The following CEACAM20 variants were observed in gnomAD, a reference collection of about 807,000 sequenced individuals.
CEACAM20 encodes the protein CEA cell adhesion molecule 20, also known as cell adhesion molecule CEACAM20.
CEACAM20 carries 50 observed loss-of-function variants against 61.2 expected under a neutral mutation model. The ratio of observed to expected loss-of-function variants is 0.82; its 90% CI spans 0.65 to 1.03. The LOEUF (loss-of-function observed/expected upper bound fraction) is 1.03. CEACAM20 is among the 50% of genes least tolerant of loss of function. The probability of loss-of-function intolerance (pLI) is 0.00; values close to 1 mark genes in which losing one functional copy is unlikely to be tolerated. For missense variants in CEACAM20, 683 were observed against 736.4 expected, an observed-to-expected ratio of 0.93 and a Z score of 0.84; for synonymous variants, 282 against 287.7, an observed-to-expected ratio of 0.98 and a Z score of 0.20.
At chr19:44,528,942 TTC>T (rs371387867) in intron 1 of CEACAM20, among the ~76,000 whole-genome samples, 4 of 146,022 alleles carry the variant, frequency 2.7e-5, no homozygotes, top group African/African-American at 7.6e-5. Flanking sequence ...ATTTCTGTAT[TTC>T]TCTCTTTCTT....
rs765004258 is a variant in CEACAM20, at chr19:44,525,128, T to C, written c.169A>G (p.Thr57Ala). 1 of 1,610,994 alleles carries C rather than the reference T, an allele frequency of 6.2e-7. No individual in the cohort carries two copies. The highest frequency in any genetic ancestry group is 8.5e-7 in the Non-Finnish European group (1 of 1,178,764). ...CTGGATCTGCCATGAATCTGGGGTG[T>C]CCTGGGGGTCCCAAACACAGGCAGA... ...VVLPVFGTPR[T>A]PQIHGRSREL... is the part of the protein sequence containing the mutation. Residue 57 changes from threonine to alanine, a missense_variant, in exon 2 of 12, where the codon ACA becomes GCA. Coordinates refer to ENST00000614924, the MANE Select transcript of CEACAM20 (RefSeq NM_001102597.3).
chr19:44,523,139 T>G (rs142979188), intron 3 of CEACAM20, among the ~76,000 whole-genome samples: 2 of 152,284 alleles, frequency 1.3e-5, no homozygotes, highest in African/African-American at 4.8e-5. Flanking sequence ...ATGGTTATTG[T>G]AGCTCACACC....
intron 6 of CEACAM20, among the ~76,000 whole-genome samples, chr19:44,516,579 A>G (rs1390292965): frequency 6.6e-6 from 1 of 151,808 alleles, no homozygotes; most frequent in Non-Finnish European, 1.5e-5. Flanking sequence ...TGATTGTGAC[A>G]CCTCCCTGGC....
intron 1 of CEACAM20, among the ~76,000 whole-genome samples, chr19:44,528,922 A>G (rs944235337): frequency 6.7e-5 from 7 of 105,198 alleles, no homozygotes; most frequent in African/African-American, 2.1e-4. Flanking sequence ...TCTCTTTTGT[A>G]TCTATGTTTA....
At chr19:44,516,909 C>T in intron 6 of CEACAM20, 37 bp downstream of exon 6, 1 of 1,566,836 alleles carries the variant, frequency 6.4e-7, no homozygotes, top group Non-Finnish European at 8.6e-7. Context: ...GGAAAGGCCC[C>T]TCGGGTCCTG....
chr19:44,524,757 T>C (rs143605515), intron 2 of CEACAM20, among the ~76,000 whole-genome samples: 1,968 of 152,164 alleles, frequency 0.013, 35 homozygotes, highest in Non-Finnish European at 0.018. Context: ...TTTTGTGTTT[T>C]TTTTGTACAC....
intron 1 of CEACAM20, among the ~76,000 whole-genome samples, chr19:44,528,451 C>T (rs1383035845): frequency 6.6e-6 from 1 of 152,120 alleles, no homozygotes; most frequent in Non-Finnish European, 1.5e-5. Context: ...GTCTTGAACT[C>T]CTGACTGCGT....
chr19:44,510,578 AAG>A (rs1442808473), intron 11 of CEACAM20, among the ~76,000 whole-genome samples: 1 of 49,038 alleles, frequency 2.0e-5, no homozygotes. Context: ...GAAAGAAAGA[AAG>A]AAAGAAAGAA....
chr19:44,512,717 C>A, intron 8 of CEACAM20, 151 bp downstream of exon 8: 1 of 649,412 alleles, frequency 1.5e-6, no homozygotes, highest in Non-Finnish European at 2.7e-6. Flanking sequence ...CAATCTCATC[C>A]AAATTCCAGA....
In CEACAM20 at chr19:44,522,749, C is replaced by G; in HGVS notation, c.636G>C (p.Thr212=). 6.2e-7 allele frequency: 1 copy of G among 1,613,872 alleles called. No individual in the cohort carries two copies. The highest frequency in any genetic ancestry group is 1.1e-5 in the South Asian group (1 of 91,062). ...ACACAGCATGGATGGTGAATGTTCT[C>G]GTGGTGTGAGACAGAATGGAGTCAA... is the stretch of plus-strand genomic sequence containing the variant. ...FLLDSILSHT[T]RTFTIHAVSR... is the part of the protein sequence containing the mutation. The change falls in exon 4 of 12, where the codon ACG becomes ACC. Residue 212 remains threonine (T), a synonymous_variant. Transcript: ENST00000614924.
intron 11 of CEACAM20, among the ~76,000 whole-genome samples, chr19:44,508,795 C>T (rs1483831014): frequency 6.6e-6 from 1 of 152,128 alleles, no homozygotes; most frequent in African/African-American, 2.4e-5. Context: ...ATCACGTAGG[C>T]CCAGTATATA....
chr19:44,516,650 T>C (rs1454980750), intron 6 of CEACAM20, among the ~76,000 whole-genome samples: 1 of 152,226 alleles, frequency 6.6e-6, no homozygotes, highest in East Asian at 1.9e-4. Flanking sequence ...GTCTTCAGCA[T>C]GTCTTTATCA....
intron 4 of CEACAM20, 99 bp from the exon 5 acceptor site, chr19:44,520,851 T>C (rs111641915): frequency 2.6e-3 from 1,624 of 615,770 alleles, no homozygotes; most frequent in East Asian, 0.016. Context: ...CGTGCGTGTG[T>C]GTGTGTGTGT....
chr19:44,517,127 C>G lies in CEACAM20; in HGVS notation c.1128G>C (p.Trp376Cys). 1 of 1,613,586 alleles carries G rather than the reference C, an allele frequency of 6.2e-7. No homozygotes were observed. The highest frequency in any genetic ancestry group is 8.5e-7 in the Non-Finnish European group (1 of 1,179,804). ...ELNSSLTLQCWAESKPGAEYR... is the reference protein window; with the variant it reads ...ELNSSLTLQCCAESKPGAEYR... ...ACTCAGCACCTGGCTTGGACTCGGCCCAACACTGCAGGGTCAGGCTGGAGT... is the reference window on the plus strand; with the variant it reads ...ACTCAGCACCTGGCTTGGACTCGGCGCAACACTGCAGGGTCAGGCTGGAGT... Residue 376 changes from tryptophan to cysteine, a missense_variant, in exon 6 of 12, where the codon TGG becomes TGC. Trp to Cys is a radical substitution (Grantham distance 215, BLOSUM62 -2). Coordinates refer to ENST00000614924, the MANE Select transcript of CEACAM20 (RefSeq NM_001102597.3).
chr19:44,526,894 A>ACAAAC (rs74716933), intron 1 of CEACAM20, among the ~76,000 whole-genome samples: 7 of 151,646 alleles, frequency 4.6e-5, no homozygotes, highest in Admixed American at 4.6e-4. Context: ...AAACAAACAA[A>ACAAAC]AAAAAAACAC....
At chr19:44,513,136 C>T (rs1422054838) in intron 7 of CEACAM20, 36 bp downstream of exon 7, 2 of 1,528,868 alleles carry the variant, frequency 1.3e-6, no homozygotes, top group East Asian at 2.3e-5. Flanking sequence ...TGGCCACATC[C>T]CCATCCCCAT....
chr19:44,523,868 T>C, intron 3 of CEACAM20, 118 bp downstream of exon 3: 1 of 1,123,774 alleles, frequency 8.9e-7, no homozygotes. Context: ...CAGTTATATG[T>C]CTGAAGTTCA....
At chr19:44,513,841 A>T (rs1339071789) in intron 6 of CEACAM20, among the ~76,000 whole-genome samples, 1 of 152,084 alleles carries the variant, frequency 6.6e-6, no homozygotes, top group African/African-American at 2.4e-5. Flanking sequence ...TAACCTCTCT[A>T]GGCTTCAGTT....
At chr19:44,515,545 C>T (rs1971130676) in intron 6 of CEACAM20, among the ~76,000 whole-genome samples, 1 of 152,096 alleles carries the variant, frequency 6.6e-6, no homozygotes, top group Admixed American at 6.6e-5. Context: ...CTCAGTTTCC[C>T]TTCCTGTACA....
Sources: gnomAD v4.1 joint callset for allele counts (sites outside exome capture counted in the v4.1 genomes callset) on GRCh38, gnomAD v4.1.1 for gene constraint, MANE v1.5 for transcripts, NCBI Gene and HGNC (gene_info 2026-07-23, HGNC 2026-07-21) for gene names.